Variants in ZNF341 observed in about 807,000 individuals in gnomAD.
The protein encoded by ZNF341 is zinc finger protein 341.
Under a neutral mutation model 87.7 loss-of-function variants are expected in ZNF341, and 52 were observed. The observed-to-expected ratio is 0.59, with a 90% CI of 0.47 to 0.75. The LOEUF (loss-of-function observed/expected upper bound fraction) is 0.75, where lower values mean the gene tolerates loss of function less well. ZNF341 is among the 30% of genes least tolerant of loss of function. The pLI is 0.00. For missense variants in ZNF341, 977 were observed against 1,145.9 expected (o/e 0.85, Z 2.13); for synonymous variants, 459 against 472.7 (o/e 0.97, Z 0.38).
In ZNF341 at chr20:33,791,538, C is replaced by T. The variant is rs575828669; in HGVS notation, c.*21C>T. The T allele has an allele frequency of 1.8e-4, 273 of 1,521,034 alleles. 1 individual carries two copies. The East Asian group carries it at 5.8e-3, about 32-fold the overall frequency. The allele number at this position is 1,521,034 out of a possible 1,614,324, so 94.2% of individuals were successfully genotyped here. On this transcript the variant is annotated 3_prime_UTR_variant, in exon 15 of 15. Transcript: ENST00000375200. ...AGTGACGGACCTGAGGTGTCTGTTT[C>T]CTGGGCAGGCCTGATGCTCCTGTTT... is the stretch of plus-strand genomic sequence containing the variant.
intron 13 of ZNF341, among the ~76,000 whole-genome samples, 168 bp from the exon 14 acceptor site, chr20:33,789,350 T>C (rs954482848): frequency 2.6e-5 from 4 of 152,088 alleles, no homozygotes; most frequent in African/African-American, 9.7e-5. Context: ...GCCAGGCCTC[T>C]CTCCTTTTAT....
chr20:33,766,193 A>AATTATT (rs1485515756), intron 8 of ZNF341, among the ~76,000 whole-genome samples: 1 of 149,956 alleles, frequency 6.7e-6, no homozygotes, highest in Non-Finnish European at 1.5e-5. Context: ...TGATGATTAC[A>AATTATT]ATTATTATTA....
At chr20:33,766,738 C>T (rs973101320) in intron 8 of ZNF341, 113 bp from the exon 9 acceptor site, 13 of 1,184,490 alleles carry the variant, frequency 1.1e-5, no homozygotes, top group Non-Finnish European at 1.4e-5. Context: ...AGAGTCTGAC[C>T]CAAAGCGAGT....
intron 11 of ZNF341, 88 bp downstream of exon 11, chr20:33,781,475 C>T (rs914831599): frequency 2.1e-5 from 25 of 1,202,946 alleles, no homozygotes; most frequent in Middle Eastern, 3.9e-4. Flanking sequence ...CTTTCCTTCT[C>T]CTCTCTCACC....
intron 7 of ZNF341, among the ~76,000 whole-genome samples, chr20:33,759,121 C>T (rs1178094186): frequency 1.3e-5 from 2 of 152,234 alleles, no homozygotes; most frequent in Non-Finnish European, 2.9e-5. Context: ...CTCTGCAGAA[C>T]AGGCTGGCCT....
At chr20:33,747,777 C>A (rs1381998228) in intron 3 of ZNF341, among the ~76,000 whole-genome samples, 2 of 150,212 alleles carry the variant, frequency 1.3e-5, no homozygotes, top group Admixed American at 1.3e-4. Context: ...CTCACTGCAA[C>A]CTCCATCTGC....
chr20:33,788,947 C>G lies in ZNF341; in HGVS notation c.1937C>G (p.Pro646Arg). ...KLKRHMLIHE[P>R]FKKYKCPFST... Reference sequence around the variant, plus strand: ...AAGAGACACATGTTGATCCACGAGCCCTTCAAGAAATACAAATGCCCTTTC... The same window carrying G: ...AAGAGACACATGTTGATCCACGAGCGCTTCAAGAAATACAAATGCCCTTTC... The change falls in exon 13 of 15, where the codon CCC (proline) becomes CGC (arginine). Residue 646 changes from proline to arginine, a missense_variant. Pro to Arg is a moderately radical substitution (Grantham distance 103, BLOSUM62 -2). Transcript: ENST00000375200. The G allele has an allele frequency of 6.2e-7, 1 of 1,613,994 alleles. No homozygotes were observed. The highest frequency in any genetic ancestry group is 8.5e-7 in the Non-Finnish European group (1 of 1,179,990).
At chr20:33,768,976 A>G (rs2019468187) in intron 9 of ZNF341, among the ~76,000 whole-genome samples, 1 of 152,202 alleles carries the variant, frequency 6.6e-6, no homozygotes, top group Non-Finnish European at 1.5e-5. Flanking sequence ...ATGGATAGCT[A>G]TGCCTAATAA....
At chr20:33,746,648 A>C (rs2018931836) in intron 3 of ZNF341, among the ~76,000 whole-genome samples, 1 of 152,058 alleles carries the variant, frequency 6.6e-6, no homozygotes, top group African/African-American at 2.4e-5. Context: ...GTTTTGAGGG[A>C]GGGTGAGAGA....
intron 12 of ZNF341, chr20:33,787,366 A>G (rs2019889260): frequency 6.6e-6 from 1 of 152,184 alleles, no homozygotes; most frequent in African/African-American, 2.4e-5. Context: ...AGATCAGGAA[A>G]CACAGATTGA....
chr20:33,775,429 C>G (rs2019608836), intron 10 of ZNF341, among the ~76,000 whole-genome samples: 1 of 151,186 alleles, frequency 6.6e-6, no homozygotes, highest in Non-Finnish European at 1.5e-5. Flanking sequence ...CCAGGATGGT[C>G]TCGATCCCTG....
intron 1 of ZNF341, among the ~76,000 whole-genome samples, chr20:33,736,314 C>T (rs2018684350): frequency 6.6e-6 from 1 of 151,930 alleles, no homozygotes; most frequent in Non-Finnish European, 1.5e-5. Flanking sequence ...GAGAAAGACG[C>T]CTGACCTAAC....
rs541217228 is a variant in ZNF341 at position 33,762,075 on chromosome 20, G to A, written c.1222+20G>A. The stretch of plus-strand genomic sequence containing the variant: ...GCACAGGTGGGTGGAAGTAGGGAAC[G>A]CCATGCTTCCCACACCTCTCTTCTG... On this transcript the variant is annotated intron_variant, in intron 8 of 14. Transcript: ENST00000375200. The A allele has an allele frequency of 7.3e-6, 11 of 1,506,244 alleles. No individual in the cohort carries two copies. Among genetic ancestry groups the A allele is most frequent in the African/African-American group, 2.8e-5 (2 of 72,370 alleles). 93.3% of individuals were successfully genotyped at this position (1,506,244 alleles called of 1,614,324 possible). A position where few individuals can be genotyped will look rare whatever the true frequency, so the allele number is the denominator to read the frequency against.
At position 33,732,005 on chromosome 20, in the gene ZNF341, A is replaced by ACGGCGGCGG; in HGVS notation, c.-15_-7dup. 1 of 1,434,506 alleles carries ACGGCGGCGG rather than the reference A, an allele frequency of 7.0e-7. No homozygotes were observed. The allele number at this position is 1,434,506 out of a possible 1,614,324, so 88.9% of individuals were successfully genotyped here. ...CCGGGCTTCGGTTCCTGTGGCGGCG[A>ACGGCGGCGG]CGGCGGCGGCTCCAAGATGGCGCAG... On this transcript the variant is annotated 5_prime_UTR_variant, in exon 1 of 15. Coordinates refer to ENST00000375200, the MANE Select transcript of ZNF341 (RefSeq NM_001282933.2). The surrounding 1 kb of genome is among the most constrained non-coding windows in gnomAD (Gnocchi z 4.5).
At position 33,732,078 on chromosome 20, in the gene ZNF341, G is replaced by A; in HGVS notation, c.31+26G>A. On this transcript the variant is annotated intron_variant, in intron 1 of 14. Transcript: ENST00000375200. This position sits in a 1 kb window ranked among gnomAD's most constrained non-coding sequence, Gnocchi z 4.5. Reference sequence around the variant, plus strand: ...GTGAGCGGCGGCGGGGCCGGCGGAGGCGGCTGTTCCGCGCTGCGCCCCCTC... The same window carrying A: ...GTGAGCGGCGGCGGGGCCGGCGGAGACGGCTGTTCCGCGCTGCGCCCCCTC... 8.0e-7 allele frequency: 1 copy of A among 1,255,020 alleles called. No homozygotes were observed. The highest frequency in any genetic ancestry group is 1.0e-6 in the Non-Finnish European group (1 of 995,086). The allele number at this position is 1,255,020 out of a possible 1,614,324, so 77.7% of individuals were successfully genotyped here.
chr20:33,741,060 C>G (rs775276641), intron 2 of ZNF341, 48 bp downstream of exon 2: 5 of 1,539,408 alleles, frequency 3.2e-6, no homozygotes, highest in Non-Finnish European at 4.5e-6. Flanking sequence ...TGGCTCCCCG[C>G]GAAGAGTAGG....
At chr20:33,779,989 G>C (rs897436379) in intron 10 of ZNF341, among the ~76,000 whole-genome samples, 9 of 152,186 alleles carry the variant, frequency 5.9e-5, no homozygotes, top group African/African-American at 1.9e-4. Flanking sequence ...AACCAAGTAA[G>C]CAAATAATAA....
chr20:33,736,430 C>G (rs2122625150), intron 1 of ZNF341, among the ~76,000 whole-genome samples: 1 of 152,230 alleles, frequency 6.6e-6, no homozygotes, highest in African/African-American at 2.4e-5. Flanking sequence ...TGATAATAGC[C>G]CTTCCCCAAA....
chr20:33,768,988 T>C (rs2019468417), intron 9 of ZNF341, among the ~76,000 whole-genome samples: 1 of 152,066 alleles, frequency 6.6e-6, no homozygotes, highest in Non-Finnish European at 1.5e-5. Flanking sequence ...GCCTAATAAC[T>C]GTCAATGAAA....
Sources: gnomAD v4.1 joint callset for allele counts (sites outside exome capture counted in the v4.1 genomes callset) on GRCh38, gnomAD v4.1.1 for gene constraint, Gnocchi (gnomAD v3.1) non-coding constraint, MANE v1.5 for transcripts, NCBI Gene and HGNC (gene_info 2026-07-23, HGNC 2026-07-21) for gene names.